ARCN1: variants seen among roughly 807,000 people sequenced by gnomAD.
ARCN1 encodes archain 1 coat protein complex I subunit delta.
ARCN1 carries 5 observed loss-of-function variants against 60.4 expected under a neutral mutation model. The ratio of observed to expected loss-of-function variants is 0.08; its 90% CI spans 0.04 to 0.17. The LOEUF (loss-of-function observed/expected upper bound fraction) is 0.17, where lower values mean the gene tolerates loss of function less well. Ranked by LOEUF, ARCN1 falls within the 10% of genes least tolerant of loss-of-function variation. The pLI, the probability that ARCN1 is intolerant of heterozygous loss-of-function variation, is 1.00. For missense variants in ARCN1, 464 were observed against 626.5 expected (o/e 0.74, Z 2.77); for synonymous variants, 224 against 220.0 (o/e 1.02, Z -0.16).
intron 6 of ARCN1, among the ~76,000 whole-genome samples, chr11:118,591,943 G>A (rs1299603361): frequency 2.0e-5 from 3 of 151,058 alleles, no homozygotes; most frequent in African/African-American, 7.3e-5. Flanking sequence ...TTTTTGAGAC[G>A]GAGTTTCACT....
intron 1 of ARCN1, among the ~76,000 whole-genome samples, chr11:118,580,529 T>A (rs974494762): frequency 2.0e-5 from 3 of 152,148 alleles, no homozygotes; most frequent in Admixed American, 1.3e-4. Context: ...AACTCTTTTT[T>A]AAAAATATAT....
intron 2 of ARCN1, among the ~76,000 whole-genome samples, chr11:118,582,666 C>T (rs1484459076): frequency 6.8e-6 from 1 of 148,142 alleles, no homozygotes; most frequent in Admixed American, 6.9e-5. Context: ...GTGGGGGTTG[C>T]AGTGAGCCGA....
intron 8 of ARCN1, among the ~76,000 whole-genome samples, chr11:118,596,625 T>A (rs1406589060): frequency 6.6e-6 from 1 of 152,220 alleles, no homozygotes; most frequent in East Asian, 1.9e-4. Context: ...CTATCCCTAA[T>A]ATAAACATTG....
At position 118,602,738 on chromosome 11, in the gene ARCN1, GTTGT is replaced by G. The variant is rs1323956637; in HGVS notation, c.*2029_*2032del. ...CCTACTAATCCAGTTTTGTTTGAAAGTTGTTTGTCCGTATGATTTTTTAAAAGTC... is the reference window on the plus strand; with the variant it reads ...CCTACTAATCCAGTTTTGTTTGAAAGTTGTCCGTATGATTTTTTAAAAGTC... On this transcript the variant is annotated 3_prime_UTR_variant, in exon 10 of 10. Transcript: ENST00000264028. The G allele has an allele frequency of 6.5e-6, 1 of 153,668 alleles. No individual in the cohort carries two copies. Among genetic ancestry groups the G allele is most frequent in the Admixed American group, 6.5e-5 (1 of 15,280 alleles). 9.5% of individuals were successfully genotyped at this position (153,668 alleles called of 1,614,324 possible). A position where few individuals can be genotyped will look rare whatever the true frequency, so the allele number is the denominator to read the frequency against.
Position 118,573,584 on chromosome 11 carries a change from G to A in ARCN1, c.3+1034G>A, listed in dbSNP as rs1203205476. 4 of 675,474 alleles carry A rather than the reference G, an allele frequency of 5.9e-6. No homozygotes were observed. In the African/African-American group the frequency reaches 7.2e-5, roughly 12 times the overall value. The allele number at this position is 675,474 out of a possible 1,614,324, so 41.8% of individuals were successfully genotyped here. ...TATGTCCTTTAGTCTTTTGAAGGATGTTCTGTTCTGTTCTTTTTTATTCTT... is the reference window on the plus strand; with the variant it reads ...TATGTCCTTTAGTCTTTTGAAGGATATTCTGTTCTGTTCTTTTTTATTCTT... On this transcript the variant is annotated intron_variant, in intron 1 of 9. Coordinates refer to ENST00000264028, the MANE Select transcript of ARCN1 (RefSeq NM_001655.5).
At chr11:118,584,871 G>C (rs916559748) in intron 5 of ARCN1, among the ~76,000 whole-genome samples, 1 of 151,958 alleles carries the variant, frequency 6.6e-6, no homozygotes, top group African/African-American at 2.4e-5. Context: ...TGTCACCCAG[G>C]CTGGAGTGCA....
intron 1 of ARCN1, among the ~76,000 whole-genome samples, chr11:118,579,284 A>T (rs1938595344): frequency 6.6e-6 from 1 of 152,146 alleles, no homozygotes; most frequent in South Asian, 2.1e-4. Flanking sequence ...GGAGAAACCA[A>T]TGTGAAATGA....
In ARCN1 at chr11:118,602,582, T is replaced by C. The variant is rs1381999055; in HGVS notation, c.*1868T>C. 6.5e-6 allele frequency: 1 copy of C among 153,742 alleles called. No individual in the cohort carries two copies. The highest frequency in any genetic ancestry group is 1.5e-5 in the Non-Finnish European group (1 of 68,034). The allele number at this position is 153,742 out of a possible 1,614,324, so 9.5% of individuals were successfully genotyped here. A position where few individuals can be genotyped will look rare whatever the true frequency, so the allele number is the denominator to read the frequency against. On this transcript the variant is annotated 3_prime_UTR_variant, in exon 10 of 10. Transcript: ENST00000264028. The stretch of plus-strand genomic sequence containing the variant: ...TGTGTGGAATTGCTTGCCAAAGAAG[T>C]TTCTAGCCTTTCCCTTTCCCCTAAC...
chr11:118,584,065 A>G (rs782165621), intron 4 of ARCN1, 51 bp downstream of exon 4: 21 of 1,518,856 alleles, frequency 1.4e-5, no homozygotes, highest in Middle Eastern at 1.9e-4. Flanking sequence ...ATATGTGTCT[A>G]TCTTTGAAGT....
At chr11:118,598,035 T>C (rs1555077489) in intron 9 of ARCN1, 124 bp downstream of exon 9, 1 of 835,364 alleles carries the variant, frequency 1.2e-6, no homozygotes, top group African/African-American at 1.7e-5. Flanking sequence ...AACTGATGTC[T>C]CCTACAGGAA....
At chr11:118,581,213 A>G in intron 1 of ARCN1, 33 bp from the exon 2 acceptor site, 3 of 1,609,018 alleles carry the variant, frequency 1.9e-6, no homozygotes, top group African/African-American at 1.3e-5. Flanking sequence ...TGAAGAAATA[A>G]TTAGTACTTA....
chr11:118,578,721 G>A (rs1422898486), intron 1 of ARCN1, among the ~76,000 whole-genome samples: 1 of 151,904 alleles, frequency 6.6e-6, no homozygotes, highest in Non-Finnish European at 1.5e-5. Context: ...TTCATTATTT[G>A]AATATCAAAA....
chr11:118,573,364 C>T (rs1434537898), intron 1 of ARCN1, among the ~76,000 whole-genome samples: 1 of 152,174 alleles, frequency 6.6e-6, no homozygotes, highest in Non-Finnish European at 1.5e-5. Context: ...AGACCAGTTA[C>T]TTGCCTTCCC....
intron 2 of ARCN1, among the ~76,000 whole-genome samples, 160 bp downstream of exon 2, chr11:118,581,669 A>C (rs1285055811): frequency 6.6e-6 from 1 of 152,166 alleles, no homozygotes; most frequent in African/African-American, 2.4e-5. Context: ...GCAGACATTT[A>C]TTGGGTGTCC....
At chr11:118,589,678 C>T (rs1325951732) in intron 5 of ARCN1, among the ~76,000 whole-genome samples, 1 of 152,236 alleles carries the variant, frequency 6.6e-6, no homozygotes, top group African/African-American at 2.4e-5. Flanking sequence ...GCCTTGGCCT[C>T]CCAAAGTGCT....
intron 8 of ARCN1, among the ~76,000 whole-genome samples, chr11:118,597,467 A>C (rs996976259): frequency 6.6e-6 from 1 of 152,238 alleles, no homozygotes; most frequent in Admixed American, 6.5e-5. Flanking sequence ...CCATAGGCAT[A>C]TCTGCCAAAT....
intron 6 of ARCN1, among the ~76,000 whole-genome samples, chr11:118,591,418 GTC>G (rs1205725874): frequency 2.6e-5 from 4 of 152,206 alleles, no homozygotes; most frequent in Admixed American, 2.0e-4. Context: ...CTGAGATGGA[GTC>G]TCTCTCTGTT....
At chr11:118,581,937 GACACACAC>G in intron 2 of ARCN1, among the ~76,000 whole-genome samples, 3 of 140,812 alleles carry the variant, frequency 2.1e-5, no homozygotes, top group Admixed American at 2.1e-4. Context: ...CAGACAGACA[GACACACAC>G]ACACACACAC....
intron 6 of ARCN1, 75 bp downstream of exon 6, chr11:118,590,581 A>G (rs781808290): frequency 1.5e-4 from 221 of 1,466,316 alleles, no homozygotes; most frequent in Non-Finnish European, 1.9e-4. Context: ...AGAGTTCCCA[A>G]TATGAACCAC....
Sources: gnomAD v4.1 joint callset for allele counts (sites outside exome capture counted in the v4.1 genomes callset) on GRCh38, gnomAD v4.1.1 for gene constraint, MANE v1.5 for transcripts, NCBI Gene and HGNC (gene_info 2026-07-23, HGNC 2026-07-21) for gene names.